Variants in PPIL1 observed in about 807,000 individuals in gnomAD.
PPIL1 encodes the protein peptidyl-prolyl cis-trans isomerase-like 1.
Under a neutral mutation model 19.4 loss-of-function variants are expected in PPIL1, and 14 were observed. The observed-to-expected ratio is 0.72, with a 90% confidence interval of 0.48 to 1.13. The LOEUF is 1.13. Among genes scored for constraint, PPIL1 ranks in the 50% most tolerant of loss-of-function variants. The pLI, the probability that PPIL1 is intolerant of heterozygous loss-of-function variation, is 0.00. For missense variants in PPIL1, 192 were observed against 218.0 expected, an observed-to-expected ratio of 0.88 and a Z score of 0.75; for synonymous variants, 72 against 73.6, an observed-to-expected ratio of 0.98 and a Z score of 0.11.
At position 36,874,742 on chromosome 6, in the gene PPIL1, G is replaced by T; in HGVS notation, c.31C>A (p.Pro11Thr). The change falls in exon 1 of 4, where the codon CCA becomes ACA. Residue 11 changes from proline to threonine, a missense_variant. Physicochemically the swap from Pro to Thr is conservative, Grantham distance 38. Transcript: ENST00000373699. MAAIPPDSWQ[P>T]PNVYLETSMG... The stretch of plus-strand genomic sequence containing the variant: ...CTGGTCTCCAAGTAAACGTTGGGTG[G>T]CTGCCAGGAATCTGGGGGAATTGCC... 1 of 1,614,168 alleles carries T rather than the reference G, an allele frequency of 6.2e-7. No homozygotes were observed. Among genetic ancestry groups the T allele is most frequent in the Non-Finnish European group, 8.5e-7 (1 of 1,179,998 alleles).
At chr6:36,869,836 A>G (rs1417799510) in intron 2 of PPIL1, among the ~76,000 whole-genome samples, 1 of 152,238 alleles carries the variant, frequency 6.6e-6, no homozygotes, top group Non-Finnish European at 1.5e-5. Context: ...TTCTATATAT[A>G]TGAAATTAAA....
rs1774148026 is a variant in PPIL1 at position 36,855,533 on chromosome 6, T to C, written c.*280A>G. The C allele has an allele frequency of 2.3e-6, 1 of 438,314 alleles. No individual in the cohort carries two copies. The highest frequency in any genetic ancestry group is 4.3e-6 in the Non-Finnish European group (1 of 235,040). The allele number at this position is 438,314 out of a possible 1,614,324, so 27.2% of individuals were successfully genotyped here. A position where few individuals can be genotyped will look rare whatever the true frequency, so the allele number is the denominator to read the frequency against. ...TGTTCGACGTATATCAGAGCAGACATGCACAAGAAGCAGCATTATGGTTCA... is the reference window on the plus strand; with the variant it reads ...TGTTCGACGTATATCAGAGCAGACACGCACAAGAAGCAGCATTATGGTTCA... On this transcript the variant is annotated 3_prime_UTR_variant, in exon 4 of 4. Coordinates refer to ENST00000373699, the MANE Select transcript of PPIL1 (RefSeq NM_016059.5).
chr6:36,855,072 C>A lies in PPIL1; in HGVS notation c.*741G>T, dbSNP rs1192283061. 6.5e-6 allele frequency: 1 copy of A among 152,768 alleles called. No homozygotes were observed. Among genetic ancestry groups the A allele is most frequent in the Non-Finnish European group, 1.5e-5 (1 of 68,144 alleles). 9.5% of individuals were successfully genotyped at this position (152,768 alleles called of 1,614,324 possible). A position where few individuals can be genotyped will look rare whatever the true frequency, so the allele number is the denominator to read the frequency against. ...TTCATGGTCTGTCCTTTGCTCACTACAGATTTCTCCTCTTCTCTGGGAAAA... is the reference window on the plus strand; with the variant it reads ...TTCATGGTCTGTCCTTTGCTCACTAAAGATTTCTCCTCTTCTCTGGGAAAA... On this transcript the variant is annotated 3_prime_UTR_variant, in exon 4 of 4. Transcript: ENST00000373699.
intron 1 of PPIL1, among the ~76,000 whole-genome samples, 162 bp downstream of exon 1, chr6:36,874,555 T>C (rs1203575797): frequency 1.3e-5 from 2 of 152,244 alleles, no homozygotes; most frequent in Non-Finnish European, 1.5e-5. Flanking sequence ...ACGCGGGCGA[T>C]GGCGGTCCCC....
At chr6:36,865,883 T>C (rs1034411763) in intron 2 of PPIL1, among the ~76,000 whole-genome samples, 18 of 152,226 alleles carry the variant, frequency 1.2e-4, no homozygotes, top group African/African-American at 4.3e-4. Context: ...CCCAGCAGAC[T>C]CTTGGCAAAT....
chr6:36,860,516 AGACACGC>A (rs1774264057), intron 2 of PPIL1, among the ~76,000 whole-genome samples: 2 of 152,098 alleles, frequency 1.3e-5, no homozygotes, highest in South Asian at 4.1e-4. Context: ...TATTTATTTC[AGACACGC>A]AAACATACAA....
chr6:36,856,772 C>A (rs1583104227), intron 2 of PPIL1, 118 bp from the exon 3 acceptor site: 1 of 804,388 alleles, frequency 1.2e-6, no homozygotes, highest in South Asian at 1.5e-5. Flanking sequence ...GGCAGTGACA[C>A]CTACCCCACT....
intron 2 of PPIL1, among the ~76,000 whole-genome samples, chr6:36,870,044 C>T (rs570968624): frequency 1.4e-4 from 21 of 151,624 alleles, no homozygotes; most frequent in African/African-American, 4.6e-4. Context: ...AATGATTTTT[C>T]CCCTTTTCTC....
intron 2 of PPIL1, among the ~76,000 whole-genome samples, chr6:36,870,808 G>T (rs1297243525): frequency 6.6e-6 from 1 of 152,056 alleles, no homozygotes; most frequent in Non-Finnish European, 1.5e-5. Flanking sequence ...TATTTTAGTA[G>T]ACAGAGCGTT....
chr6:36,862,083 T>A (rs1774302133), intron 2 of PPIL1, among the ~76,000 whole-genome samples: 1 of 152,206 alleles, frequency 6.6e-6, no homozygotes, highest in Non-Finnish European at 1.5e-5. Flanking sequence ...TCTTAGTCAC[T>A]GTGGAAACCT....
intron 1 of PPIL1, among the ~76,000 whole-genome samples, chr6:36,874,112 C>A (rs900076623): frequency 2.6e-5 from 4 of 152,142 alleles, no homozygotes; most frequent in African/African-American, 9.7e-5. Context: ...CTGTAAATTC[C>A]GGCGTTTCCT....
chr6:36,864,011 T>G (rs952276981), intron 2 of PPIL1, among the ~76,000 whole-genome samples: 1 of 151,864 alleles, frequency 6.6e-6, no homozygotes, highest in Non-Finnish European at 1.5e-5. Flanking sequence ...CTTTCACAGG[T>G]GTTACCCAAT....
At chr6:36,867,794 T>A (rs1774424101) in intron 2 of PPIL1, among the ~76,000 whole-genome samples, 1 of 152,182 alleles carries the variant, frequency 6.6e-6, no homozygotes, top group Non-Finnish European at 1.5e-5. Context: ...GCTCCAGTTC[T>A]CTCCCACACC....
chr6:36,855,556 T>A lies in PPIL1; in HGVS notation c.*257A>T. 1 of 499,574 alleles carries A rather than the reference T, an allele frequency of 2.0e-6. No homozygotes were observed. Among genetic ancestry groups the A allele is most frequent in the African/African-American group, 1.9e-5 (1 of 51,742 alleles). 30.9% of individuals were successfully genotyped at this position (499,574 alleles called of 1,614,324 possible). On this transcript the variant is annotated 3_prime_UTR_variant, in exon 4 of 4. Coordinates refer to ENST00000373699, the MANE Select transcript of PPIL1 (RefSeq NM_016059.5). ...CATGCACAAGAAGCAGCATTATGGT[T>A]CATGTGTAGTAAGTAGTCACCTATT...
intron 2 of PPIL1, among the ~76,000 whole-genome samples, chr6:36,864,791 C>T (rs1009520232): frequency 6.6e-6 from 1 of 152,152 alleles, no homozygotes; most frequent in Non-Finnish European, 1.5e-5. Context: ...TGTTCCATCC[C>T]AGCAGTACAT....
At chr6:36,864,287 A>G (rs1366066875) in intron 2 of PPIL1, among the ~76,000 whole-genome samples, 1 of 151,696 alleles carries the variant, frequency 6.6e-6, no homozygotes, top group Non-Finnish European at 1.5e-5. Flanking sequence ...AAAATCCACA[A>G]TCCTCACCAC....
intron 2 of PPIL1, among the ~76,000 whole-genome samples, chr6:36,859,587 G>A (rs983048425): frequency 2.6e-5 from 4 of 151,930 alleles, no homozygotes; most frequent in African/African-American, 7.3e-5. Flanking sequence ...TAGGGTTTGC[G>A]GCAAAATTTC....
intron 2 of PPIL1, 55 bp downstream of exon 2, chr6:36,871,663 A>G (rs1774512868): frequency 1.9e-6 from 3 of 1,539,850 alleles, no homozygotes; most frequent in South Asian, 1.2e-5. Flanking sequence ...TTAGAAAAAA[A>G]GACGAAAAGG....
At chr6:36,861,482 G>A (rs1774287334) in intron 2 of PPIL1, among the ~76,000 whole-genome samples, 1 of 152,128 alleles carries the variant, frequency 6.6e-6, no homozygotes, top group Non-Finnish European at 1.5e-5. Flanking sequence ...TGTGGGCTCT[G>A]AGAAAACTGT....
Sources: gnomAD v4.1 joint callset for allele counts (sites outside exome capture counted in the v4.1 genomes callset) on GRCh38, gnomAD v4.1.1 for gene constraint, MANE v1.5 for transcripts, NCBI Gene and HGNC (gene_info 2026-07-23, HGNC 2026-07-21) for gene names.